The following CRIM1 variants were observed in gnomAD, a reference collection of about 807,000 sequenced individuals.
The protein encoded by CRIM1 is cysteine-rich motor neuron 1 protein.
CRIM1 carries 32 observed loss-of-function variants against 116.4 expected under a neutral mutation model. The ratio of observed to expected loss-of-function variants is 0.27; its 90% confidence interval spans 0.21 to 0.37. The LOEUF (loss-of-function observed/expected upper bound fraction) is 0.37, where lower values mean the gene tolerates loss of function less well. Ranked by LOEUF, CRIM1 falls within the 10% of genes least tolerant of loss-of-function variation. CRIM1 has a pLI of 1.00. For missense variants in CRIM1, 1,331 were observed against 1,354.8 expected (o/e 0.98, Z 0.28); for synonymous variants, 590 against 509.2 (o/e 1.16, Z -2.13).
chr2:36,415,085 A>G (rs1312201980), intron 2 of CRIM1, among the ~76,000 whole-genome samples: 1 of 152,062 alleles, frequency 6.6e-6, no homozygotes, highest in Non-Finnish European at 1.5e-5. Context: ...GAGGAGTTGG[A>G]TAGATTCTCT....
chr2:36,503,714 G>GA (rs1296601450), intron 8 of CRIM1, among the ~76,000 whole-genome samples: 1 of 151,742 alleles, frequency 6.6e-6, no homozygotes, highest in Non-Finnish European at 1.5e-5. Flanking sequence ...ATAATAGGTT[G>GA]TTTTTTTTCT....
chr2:36,434,516 T>G (rs1413365926), intron 2 of CRIM1, among the ~76,000 whole-genome samples: 3 of 152,234 alleles, frequency 2.0e-5, no homozygotes, highest in Admixed American at 6.5e-5. Flanking sequence ...TCTTATCCTC[T>G]CTGGGTCTCT....
At chr2:36,430,621 G>T (rs995295258) in intron 2 of CRIM1, among the ~76,000 whole-genome samples, 1 of 152,174 alleles carries the variant, frequency 6.6e-6, no homozygotes, top group Non-Finnish European at 1.5e-5. Context: ...TCAGGGGCTT[G>T]CCCCAGTGCA....
At chr2:36,416,209 AAATAAT>A (rs70946929) in intron 2 of CRIM1, among the ~76,000 whole-genome samples, 15 of 149,954 alleles carry the variant, frequency 1.0e-4, no homozygotes, top group East Asian at 5.9e-4. Flanking sequence ...TTTTGTCTCA[AAATAAT>A]AATAATAATA....
At position 36,356,457 on chromosome 2, in the gene CRIM1, C is replaced by T; in HGVS notation, c.165C>T (p.Ile55=). 1.2e-6 allele frequency: 2 copies of T among 1,612,470 alleles called. No individual in the cohort carries two copies. The highest frequency in any genetic ancestry group is 1.7e-4 in the Middle Eastern group (1 of 6,046). Residue 55 remains isoleucine (I), a synonymous_variant, in exon 1 of 17, where the codon ATC becomes ATT. Coordinates refer to ENST00000280527, the MANE Select transcript of CRIM1 (RefSeq NM_016441.3). This position sits in a 1 kb window ranked among gnomAD's most constrained non-coding sequence, Gnocchi z 4.3. ...AGCCCAGGAACTGCCCGGGGAGCAT[C>T]GTGCAGGGCGTCTGCGGCTGCTGCT... ...CEEPRNCPGS[I]VQGVCGCCYT... is the part of the protein sequence containing the mutation.
chr2:36,357,519 T>C (rs1433043489), intron 1 of CRIM1, among the ~76,000 whole-genome samples: 1 of 152,142 alleles, frequency 6.6e-6, no homozygotes, highest in Non-Finnish European at 1.5e-5. Context: ...GGAGCCAATG[T>C]TAGTGCGTGT....
chr2:36,487,087 A>G (rs1248828394), intron 7 of CRIM1, among the ~76,000 whole-genome samples: 1 of 152,214 alleles, frequency 6.6e-6, no homozygotes, highest in African/African-American at 2.4e-5. Flanking sequence ...TAACATTTTA[A>G]TTAGTAATCA....
Position 36,477,085 on chromosome 2 carries a change from C to G in CRIM1, c.1174+14C>G. 2 of 1,588,534 alleles carry G rather than the reference C, an allele frequency of 1.3e-6. No homozygotes were observed. The highest frequency in any genetic ancestry group is 1.7e-6 in the Non-Finnish European group (2 of 1,165,416). Reference sequence around the variant, plus strand: ...CAGTGTGTGAAGGTAAGAAAAGGTGCTAATTACAGATTAACAGGAGCATAC... The same window carrying G: ...CAGTGTGTGAAGGTAAGAAAAGGTGGTAATTACAGATTAACAGGAGCATAC... On this transcript the variant is annotated intron_variant, in intron 6 of 16. Coordinates refer to ENST00000280527, the MANE Select transcript of CRIM1 (RefSeq NM_016441.3).
intron 4 of CRIM1, among the ~76,000 whole-genome samples, chr2:36,462,914 C>A (rs1430120708): frequency 6.6e-6 from 1 of 152,136 alleles, no homozygotes; most frequent in Non-Finnish European, 1.5e-5. Flanking sequence ...CACTAAAAGC[C>A]CAGCTCACAT....
rs1667537259 is a variant in CRIM1, at chr2:36,548,737, A to G, written c.*36A>G. ...CTAGGATGAGGTTTCAAAAGACGGAAGACGACTAAATCTGCTCTAAAAAGT... is the reference window on the plus strand; with the variant it reads ...CTAGGATGAGGTTTCAAAAGACGGAGGACGACTAAATCTGCTCTAAAAAGT... On this transcript the variant is annotated 3_prime_UTR_variant, in exon 17 of 17. Coordinates refer to ENST00000280527, the MANE Select transcript of CRIM1 (RefSeq NM_016441.3). 1 of 1,520,968 alleles carries G rather than the reference A, an allele frequency of 6.6e-7. No individual in the cohort carries two copies. The highest frequency in any genetic ancestry group is 2.2e-5 in the Admixed American group (1 of 45,552). 94.2% of individuals were successfully genotyped at this position (1,520,968 alleles called of 1,614,324 possible). A position where few individuals can be genotyped will look rare whatever the true frequency, so the allele number is the denominator to read the frequency against.
chr2:36,362,195 T>C (rs2148278951), intron 1 of CRIM1, among the ~76,000 whole-genome samples: 1 of 149,094 alleles, frequency 6.7e-6, no homozygotes, highest in East Asian at 2.2e-4. Flanking sequence ...TCAAGCCAAG[T>C]AGAAGTGATT....
chr2:36,439,588 C>T (rs769436201), intron 2 of CRIM1, among the ~76,000 whole-genome samples: 1 of 152,154 alleles, frequency 6.6e-6, no homozygotes, highest in Non-Finnish European at 1.5e-5. Context: ...CTTCCTGGGA[C>T]ACACAAGCCT....
At chr2:36,442,520 C>G in intron 3 of CRIM1, 95 bp from the exon 4 acceptor site, 1 of 1,485,592 alleles carries the variant, frequency 6.7e-7, no homozygotes, top group South Asian at 1.2e-5. Context: ...AGCAAGGAGA[C>G]TTTGGACATT....
At chr2:36,363,234 G>A (rs1669347859) in intron 1 of CRIM1, among the ~76,000 whole-genome samples, 1 of 151,794 alleles carries the variant, frequency 6.6e-6, no homozygotes, top group Non-Finnish European at 1.5e-5. Context: ...TGGTTTCTGG[G>A]GTCAAATCTG....
At chr2:36,388,877 G>C (rs1449174562) in intron 1 of CRIM1, among the ~76,000 whole-genome samples, 2 of 152,188 alleles carry the variant, frequency 1.3e-5, no homozygotes, top group Non-Finnish European at 2.9e-5. Flanking sequence ...ATATTTTGCT[G>C]TAAGTTGATT....
intron 2 of CRIM1, among the ~76,000 whole-genome samples, chr2:36,437,617 A>G (rs1268933885): frequency 6.6e-6 from 1 of 152,220 alleles, no homozygotes; most frequent in Non-Finnish European, 1.5e-5. Flanking sequence ...GAAAAGTTGA[A>G]AAGCATTTAA....
chr2:36,514,723 G>C (rs968387072), intron 11 of CRIM1, among the ~76,000 whole-genome samples: 7 of 131,094 alleles, frequency 5.3e-5, no homozygotes, highest in African/African-American at 2.0e-4. Context: ...AAAAGGTGTA[G>C]CCGGGAGCCT....
chr2:36,401,032 C>T (rs779083356), intron 2 of CRIM1, among the ~76,000 whole-genome samples: 1 of 152,044 alleles, frequency 6.6e-6, no homozygotes, highest in African/African-American at 2.4e-5. Flanking sequence ...AAACATGGGT[C>T]TCCATTTCTG....
chr2:36,378,549 TAAGG>T (rs1237187531), intron 1 of CRIM1: 12 of 356,996 alleles, frequency 3.4e-5, no homozygotes, highest in Admixed American at 1.8e-4. Context: ...TTTTTAAACT[TAAGG>T]AAGTTAATTT....
Sources: allele counts gnomAD v4.1 joint callset (sites outside exome capture counted in the v4.1 genomes callset), GRCh38; gene constraint gnomAD v4.1.1; non-coding constraint Gnocchi (gnomAD v3.1); transcripts MANE v1.5; gene names NCBI Gene and HGNC (gene_info 2026-07-23, HGNC 2026-07-21).